Variants in INPPL1 observed in about 807,000 individuals in gnomAD.
INPPL1 encodes the protein inositol polyphosphate phosphatase like 1.
INPPL1 carries 91 observed loss-of-function variants against 139.3 expected under a neutral mutation model. The ratio of observed to expected loss-of-function variants is 0.65; its 90% CI spans 0.55 to 0.78. INPPL1 has a LOEUF of 0.78. Ranked by LOEUF, INPPL1 falls within the 30% of genes least tolerant of loss-of-function variation. The pLI, the probability that INPPL1 is intolerant of heterozygous loss-of-function variation, is 0.00. For missense variants in INPPL1, 1,411 were observed against 1,665.6 expected (o/e 0.85, Z 2.66); for synonymous variants, 719 against 686.6 (o/e 1.05, Z -0.74).
Position 72,229,693 on chromosome 11 carries a change from G to A in INPPL1, c.784G>A (p.Glu262Lys), listed in dbSNP as rs1003397653. Residue 262 changes from glutamate (E) to lysine (K), a missense_variant, in exon 7 of 28, where the codon GAG becomes AAG. By Grantham distance (56) the Glu-to-Lys change is moderately conservative. This residue lies in a region of INPPL1 where 504 missense variants were observed against 595.6 expected (regional missense o/e 0.85). Coordinates refer to ENST00000298229, the MANE Select transcript of INPPL1 (RefSeq NM_001567.4). The part of the protein sequence containing the change: ...NLPQTGEQEL[E>K]SLVLKLSVLK... ...GCCACAGACAGGGGAGCAGGAACTA[G>A]AGAGCCTGGTGCTGAAGCTGTCAGT... 3.1e-6 allele frequency: 5 copies of A among 1,614,086 alleles called. No individual in the cohort carries two copies. Among genetic ancestry groups the A allele is most frequent in the Admixed American group, 1.7e-5 (1 of 60,016 alleles).
chr11:72,238,292 C>G lies in INPPL1; in HGVS notation c.3716C>G (p.Ala1239Gly), dbSNP rs374498868. The stretch of plus-strand genomic sequence containing the variant: ...ATCACCGAGGAGGACTTGGAGGAGG[C>G]TGGGGTGCAGGACCCGGCTCACAAG... ...SDITEEDLEE[A>G]GVQDPAHKRL... Residue 1239 changes from alanine (A) to glycine (G), a missense_variant, in exon 28 of 28, where the codon GCT (alanine) becomes GGT (glycine). Ala to Gly is a moderately conservative substitution (Grantham distance 60, BLOSUM62 0). This residue lies in a region of INPPL1 where 438 missense variants were observed against 425.7 expected (regional missense o/e 1.03). Transcript: ENST00000298229. 1 of 1,608,208 alleles carries G rather than the reference C, an allele frequency of 6.2e-7. No individual in the cohort carries two copies. The highest frequency in any genetic ancestry group is 8.5e-7 in the Non-Finnish European group (1 of 1,177,284).
At position 72,238,954 on chromosome 11, in the gene INPPL1, CTG is replaced by C. The variant is rs781538687; in HGVS notation, c.*604_*605del. 1.3e-5 allele frequency: 2 copies of C among 152,438 alleles called. No individual in the cohort carries two copies. Among genetic ancestry groups the C allele is most frequent in the African/African-American group, 2.4e-5 (1 of 41,346 alleles). 9.4% of individuals were successfully genotyped at this position (152,438 alleles called of 1,614,324 possible). On this transcript the variant is annotated 3_prime_UTR_variant, in exon 28 of 28. Coordinates refer to ENST00000298229, the MANE Select transcript of INPPL1 (RefSeq NM_001567.4). ...TGCTTAGTTCTCACTGTCTCCTGGT[CTG>C]TGCTGCCCTGCTCTGGGGATGCACG...
Position 72,234,422 on chromosome 11 carries a change from G to T in INPPL1, c.2326+28G>T. 2 of 1,603,990 alleles carry T rather than the reference G, an allele frequency of 1.2e-6. No homozygotes were observed. Among genetic ancestry groups the T allele is most frequent in the Non-Finnish European group, 1.7e-6 (2 of 1,170,784 alleles). ...CAGAGGCGTGGCAGGGGCTGGGTGT[G>T]GGCCAAGGAGGATGGGAGGCAAGAG... On this transcript the variant is annotated intron_variant, in intron 20 of 27. Transcript: ENST00000298229. The surrounding 1 kb of genome is among the most constrained non-coding windows in gnomAD (Gnocchi z 4.2).
Position 72,228,129 on chromosome 11 carries a change from G to T in INPPL1, c.183-61G>T, listed in dbSNP as rs1948725333. ...CTGAGCTTGCTGGCAGGAGGAAGGG[G>T]TGCTTTGGGTCTTAGACCCCAGCCT... On this transcript the variant is annotated intron_variant, in intron 1 of 27. Transcript: ENST00000298229. This position sits in a 1 kb window ranked among gnomAD's most constrained non-coding sequence, Gnocchi z 5.0. The T allele has an allele frequency of 1.9e-6, 3 of 1,581,940 alleles. No homozygotes were observed.
chr11:72,226,923 G>A (rs1191655277), intron 1 of INPPL1, among the ~76,000 whole-genome samples: 1 of 152,154 alleles, frequency 6.6e-6, no homozygotes, highest in Non-Finnish European at 1.5e-5. Flanking sequence ...TGCCAAGGGA[G>A]GCTGTGAATG....
chr11:72,227,889 G>T (rs1948718688), intron 1 of INPPL1: 1 of 459,258 alleles, frequency 2.2e-6, no homozygotes, highest in Non-Finnish European at 4.0e-6. Flanking sequence ...TGTTTAGACA[G>T]CTGTGGAGGC....
In INPPL1 at chr11:72,237,343, T is replaced by G. The variant is rs1358563311; in HGVS notation, c.3099T>G (p.Arg1033=). Residue 1033 remains arginine, a synonymous_variant, in exon 26 of 28, where the codon CGT becomes CGG. Transcript: ENST00000298229. ...AGCTTGGGCACCACCGGCACCCTCG[T>G]GTGGGAGAGGGGAGTTCTTCAGATG... ...APQLGHHRHP[R]VGEGSSSDEE... is the part of the protein sequence containing the mutation. The G allele has an allele frequency of 1.2e-6, 2 of 1,613,798 alleles. No homozygotes were observed.
In INPPL1 at chr11:72,235,705, G is replaced by T; in HGVS notation, c.2690G>T (p.Gly897Val). The T allele has an allele frequency of 6.2e-7, 1 of 1,614,110 alleles. No homozygotes were observed. The highest frequency in any genetic ancestry group is 1.1e-5 in the South Asian group (1 of 91,072). Residue 897 changes from glycine (G) to valine (V), a missense_variant, in exon 24 of 28, where the codon GGA becomes GTA. Gly to Val is a moderately radical substitution (Grantham distance 109, BLOSUM62 -3). Around this residue, in one of 5 missense-constraint regions of INPPL1, gnomAD observed 99 missense variants for 171.6 expected, o/e 0.58. Transcript: ENST00000298229. The surrounding 1 kb of genome is among the most constrained non-coding windows in gnomAD (Gnocchi z 4.9). ...EWISIDKDEAGAKSKAPSVSR... is the reference protein window; with the variant it reads ...EWISIDKDEAVAKSKAPSVSR... ...ATCAGCATTGATAAGGATGAGGCAG[G>T]AGCAAAGAGCAAAGCCCCCTCTGTG...
intron 4 of INPPL1, 74 bp from the exon 5 acceptor site, chr11:72,229,016 T>C: frequency 6.5e-7 from 1 of 1,537,870 alleles, no homozygotes; most frequent in Non-Finnish European, 8.8e-7. Flanking sequence ...AGGTACTATC[T>C]CCTCTAGGGA....
chr11:72,235,776 G>A lies in INPPL1; in HGVS notation c.2738+23G>A. 1.2e-6 allele frequency: 2 copies of A among 1,614,050 alleles called. No homozygotes were observed. On this transcript the variant is annotated intron_variant, in intron 24 of 27. Transcript: ENST00000298229. The surrounding 1 kb of genome is among the most constrained non-coding windows in gnomAD (Gnocchi z 4.9). Reference sequence around the variant, plus strand: ...CAGGTGAGCTAGGGCTGTGTTGAATGTCATATGAAAGGGTACCTGGGGGCA... The same window carrying A: ...CAGGTGAGCTAGGGCTGTGTTGAATATCATATGAAAGGGTACCTGGGGGCA...
At chr11:72,231,443 G>T in intron 12 of INPPL1, 55 bp from the exon 13 acceptor site, 1 of 1,337,256 alleles carries the variant, frequency 7.5e-7, no homozygotes, top group Non-Finnish European at 1.1e-6. Context: ...AGTGCAGGGG[G>T]AAATGCAGGC....
At position 72,228,091 on chromosome 11, in the gene INPPL1, G is replaced by T; in HGVS notation, c.183-99G>T. 7.8e-7 allele frequency: 1 copy of T among 1,274,662 alleles called. No homozygotes were observed. The highest frequency in any genetic ancestry group is 1.2e-5 in the South Asian group (1 of 83,058). The allele number at this position is 1,274,662 out of a possible 1,614,324, so 79.0% of individuals were successfully genotyped here. A position where few individuals can be genotyped will look rare whatever the true frequency, so the allele number is the denominator to read the frequency against. On this transcript the variant is annotated intron_variant, in intron 1 of 27. Transcript: ENST00000298229. The surrounding 1 kb of genome is among the most constrained non-coding windows in gnomAD (Gnocchi z 5.0). The stretch of plus-strand genomic sequence containing the variant: ...GGTGGTTTTAGGGAAACCAAGCTGA[G>T]GGGGTTGGGGTGCTGAGCTTGCTGG...
rs17162083 is a variant in INPPL1, at chr11:72,230,731, G to A, written c.1198-65G>A. 699 of 1,360,712 alleles carry A rather than the reference G, an allele frequency of 5.1e-4. 6 individuals carry two copies. In the East Asian group the frequency reaches 6.9e-3, roughly 13 times the overall value. The allele number at this position is 1,360,712 out of a possible 1,614,324, so 84.3% of individuals were successfully genotyped here. On this transcript the variant is annotated intron_variant, in intron 10 of 27. Coordinates refer to ENST00000298229, the MANE Select transcript of INPPL1 (RefSeq NM_001567.4). ...TCATGGACATGAGCCAACTGGCAGG[G>A]TATCCCTGTGGACGGGGGGCTTCCT...
In INPPL1 at chr11:72,225,161, C is replaced by T. The variant is rs1948632691; in HGVS notation, c.177C>T (p.Cys59=). The T allele has an allele frequency of 2.4e-6, 3 of 1,230,396 alleles. No homozygotes were observed. The highest frequency in any genetic ancestry group is 3.1e-5 in the East Asian group (1 of 31,760). The allele number at this position is 1,230,396 out of a possible 1,614,324, so 76.2% of individuals were successfully genotyped here. Residue 59 remains cysteine, a synonymous_variant, in exon 1 of 28, where the codon TGC becomes TGT. Coordinates refer to ENST00000298229, the MANE Select transcript of INPPL1 (RefSeq NM_001567.4). ...GCGTGGCGGGGGCCTTCGCGCTCTG[C>T]GTCCTGTGAGTGGGGCGGGGGCTCC... ...SESVAGAFAL[C]VLYQKHVHTY...
chr11:72,238,626 A>C lies in INPPL1; in HGVS notation c.*273A>C. 3.4e-6 allele frequency: 1 copy of C among 291,016 alleles called. No homozygotes were observed. The highest frequency in any genetic ancestry group is 6.4e-6 in the Non-Finnish European group (1 of 157,412). 18.0% of individuals were successfully genotyped at this position (291,016 alleles called of 1,614,324 possible). ...GGTTACTCTGGTGCTGTCCTGTTTT[A>C]CTGGACCCCGCCTCCCAGCCCCAGG... On this transcript the variant is annotated 3_prime_UTR_variant, in exon 28 of 28. Transcript: ENST00000298229.
rs893771841 is a variant in INPPL1, at chr11:72,235,514, G to T, written c.2659+63G>T. ...AACAGATCAAGGAGGGCAGGGTGCGGGGGGCATGTTGGAATCTCTGGGATA... is the reference window on the plus strand; with the variant it reads ...AACAGATCAAGGAGGGCAGGGTGCGTGGGGCATGTTGGAATCTCTGGGATA... On this transcript the variant is annotated intron_variant, in intron 23 of 27. Transcript: ENST00000298229. This position sits in a 1 kb window ranked among gnomAD's most constrained non-coding sequence, Gnocchi z 4.9. The T allele has an allele frequency of 1.9e-6, 3 of 1,581,310 alleles. No individual in the cohort carries two copies. The highest frequency in any genetic ancestry group is 2.7e-5 in the African/African-American group (2 of 73,932).
In INPPL1 at chr11:72,228,701, G is replaced by A. The variant is rs1230782788; in HGVS notation, c.398-26G>A. On this transcript the variant is annotated intron_variant, in intron 3 of 27. Coordinates refer to ENST00000298229, the MANE Select transcript of INPPL1 (RefSeq NM_001567.4). The surrounding 1 kb of genome is among the most constrained non-coding windows in gnomAD (Gnocchi z 5.0). The stretch of plus-strand genomic sequence containing the variant: ...TCCACTGAGTGTGGGAGGCCCAAAC[G>A]GCTGCCCACTGACCCCTGCCCACAG... 1.9e-6 allele frequency: 3 copies of A among 1,603,860 alleles called. No individual in the cohort carries two copies. Among genetic ancestry groups the A allele is most frequent in the Non-Finnish European group, 1.7e-6 (2 of 1,174,742 alleles).
rs549593209 is a variant in INPPL1 at position 72,228,418 on chromosome 11, A to C, written c.317A>C (p.Asn106Thr). The change falls in exon 3 of 28, where the codon AAC (asparagine) becomes ACC (threonine). Residue 106 changes from asparagine (N) to threonine (T), a missense_variant. Asn to Thr is a moderately conservative substitution (Grantham distance 65). Transcript: ENST00000298229. This position sits in a 1 kb window ranked among gnomAD's most constrained non-coding sequence, Gnocchi z 5.0. ...CTCATCGGCCTGTACGCCCAGCCCA[A>C]CCAGGGCCTTGTGTGCGCCCTGCTT... The part of the protein sequence containing the change: ...GELIGLYAQP[N>T]QGLVCALLLP... 1.1e-5 allele frequency: 18 copies of C among 1,612,870 alleles called. No individual in the cohort carries two copies. The highest frequency in any genetic ancestry group is 4.0e-5 in the African/African-American group (3 of 74,880).
rs559315483 is a variant in INPPL1, at chr11:72,225,277, G to T, written c.182+111G>T. On this transcript the variant is annotated intron_variant, in intron 1 of 27. Transcript: ENST00000298229. ...TCTGGGGCGGTGGGACGCCAGACCC[G>T]CCTCCACCCCCCAGAGTGGGAGCCT... 55 of 1,220,248 alleles carry T rather than the reference G, an allele frequency of 4.5e-5. No individual in the cohort carries two copies. The South Asian group carries it at 2.1e-3, about 46-fold the overall frequency. The allele number at this position is 1,220,248 out of a possible 1,614,324, so 75.6% of individuals were successfully genotyped here.
Sources: gnomAD v4.1 joint callset for allele counts (sites outside exome capture counted in the v4.1 genomes callset) on GRCh38, gnomAD v4.1.1 for gene constraint, gnomAD v4.1.1 regional missense constraint, Gnocchi (gnomAD v3.1) non-coding constraint, MANE v1.5 for transcripts, NCBI Gene and HGNC (gene_info 2026-07-23, HGNC 2026-07-21) for gene names.